Variants in NPAS3 observed in about 807,000 individuals in gnomAD.
NPAS3 encodes the protein neuronal PAS domain protein 3.
A neutral mutation model predicts 73.1 loss-of-function variants in NPAS3; 14 were observed. The observed-to-expected ratio is 0.19, with a 90% confidence interval of 0.13 to 0.30. NPAS3 has a LOEUF of 0.30. NPAS3 is among the 10% of genes least tolerant of loss of function. The pLI is 1.00. For synonymous variants in NPAS3, 620 were observed against 541.5 expected, an observed-to-expected ratio of 1.14 and a Z score of -2.01; for missense variants, 1,096 against 1,250.0, an observed-to-expected ratio of 0.88 and a Z score of 1.86.
rs1185500585 is a variant in NPAS3, at chr14:33,800,208, C to G, written c.1901C>G (p.Pro634Arg). ...CTGGACGCGGGCCTGGTGGAGCCCC[C>G]GCGGCTGCTGTCCTCCCCCAACAGT... The change falls in exon 12 of 12, where the codon CCG (proline) becomes CGG (arginine). Residue 634 changes from proline (P) to arginine (R), a missense_variant. Transcript: ENST00000356141. The surrounding 1 kb of genome is among the most constrained non-coding windows in gnomAD (Gnocchi z 6.5). 3.1e-6 allele frequency: 5 copies of G among 1,612,114 alleles called. No homozygotes were observed. The highest frequency in any genetic ancestry group is 4.2e-6 in the Non-Finnish European group (5 of 1,179,526).
chr14:33,213,444 C>T (rs1238896074), intron 2 of NPAS3, among the ~76,000 whole-genome samples: 2 of 152,122 alleles, frequency 1.3e-5, no homozygotes, highest in Admixed American at 6.5e-5. Context: ...GGGAGGAATT[C>T]GAACTATTCT....
intron 5 of NPAS3, among the ~76,000 whole-genome samples, chr14:33,670,313 C>CTGATATAGAACCTTTCTTCTTGT (rs2059575515): frequency 1.3e-5 from 2 of 152,280 alleles, no homozygotes; most frequent in South Asian, 4.1e-4. Flanking sequence ...TCTCATCATT[C>CTGATATAGAACCTTTCTTCTTGT]TGATATAGAA....
intron 1 of NPAS3, among the ~76,000 whole-genome samples, chr14:32,963,314 A>G (rs984146993): frequency 2.6e-5 from 4 of 152,226 alleles, no homozygotes; most frequent in Non-Finnish European, 5.9e-5. Context: ...CCAAGTGGAA[A>G]GAAACAGCAG....
At chr14:33,061,543 A>G (rs1275876231) in intron 2 of NPAS3, among the ~76,000 whole-genome samples, 5 of 152,300 alleles carry the variant, frequency 3.3e-5, no homozygotes, top group South Asian at 2.1e-4. Flanking sequence ...TTTTAGCATC[A>G]CACGAATGCT....
chr14:33,684,743 C>T (rs1026061896), intron 6 of NPAS3, among the ~76,000 whole-genome samples: 1 of 152,212 alleles, frequency 6.6e-6, no homozygotes, highest in African/African-American at 2.4e-5. Flanking sequence ...CAGCCAACAT[C>T]ACCCGTGTAC....
chr14:33,448,827 A>G (rs778699276), intron 4 of NPAS3, among the ~76,000 whole-genome samples: 23 of 152,318 alleles, frequency 1.5e-4, no homozygotes, highest in Middle Eastern at 3.4e-3. Context: ...GCAGCATACA[A>G]GCATCTGAAC....
intron 2 of NPAS3, among the ~76,000 whole-genome samples, chr14:33,136,728 A>G (rs1490787232): frequency 6.6e-6 from 1 of 152,222 alleles, no homozygotes; most frequent in Non-Finnish European, 1.5e-5. Flanking sequence ...TGATGTGGGT[A>G]CTTGAAAGAT....
At chr14:33,098,801 A>G (rs1379442552) in intron 2 of NPAS3, among the ~76,000 whole-genome samples, 1 of 152,264 alleles carries the variant, frequency 6.6e-6, no homozygotes, top group Admixed American at 6.5e-5. Context: ...GTGAAGCCAT[A>G]TAAATTTCAA....
At chr14:32,966,822 A>G (rs146156498) in intron 1 of NPAS3, among the ~76,000 whole-genome samples, 180 of 151,894 alleles carry the variant, frequency 1.2e-3, no homozygotes, top group Non-Finnish European at 2.1e-3. Flanking sequence ...TGAAACTGCT[A>G]TGAGAAAGCG....
At chr14:33,370,163 A>T (rs761521085) in intron 4 of NPAS3, among the ~76,000 whole-genome samples, 3 of 152,188 alleles carry the variant, frequency 2.0e-5, no homozygotes, top group African/African-American at 7.2e-5. Context: ...TATGACTGCT[A>T]TCTTTAAATA....
At chr14:33,759,602 T>C (rs2140818149) in intron 7 of NPAS3, among the ~76,000 whole-genome samples, 1 of 152,344 alleles carries the variant, frequency 6.6e-6, no homozygotes, top group Non-Finnish European at 1.5e-5. Flanking sequence ...TTTCTTCACT[T>C]GGGAAGCTAG....
chr14:33,688,539 T>C (rs2060150269), intron 6 of NPAS3, among the ~76,000 whole-genome samples: 1 of 152,124 alleles, frequency 6.6e-6, no homozygotes, highest in Admixed American at 6.6e-5. Context: ...GAGTCACAGA[T>C]GGGCCATTCT....
At chr14:33,497,873 C>T (rs2052289214) in intron 4 of NPAS3, among the ~76,000 whole-genome samples, 1 of 152,050 alleles carries the variant, frequency 6.6e-6, no homozygotes, top group South Asian at 2.1e-4. Context: ...AAGAGCTCTA[C>T]ACAGCAAACA....
chr14:33,059,559 T>C (rs2041016696), intron 2 of NPAS3, among the ~76,000 whole-genome samples: 2 of 152,310 alleles, frequency 1.3e-5, no homozygotes, highest in South Asian at 4.1e-4. Context: ...GTTATTTTGC[T>C]AAGTATTACA....
At chr14:33,560,606 A>C (rs2055596479) in intron 5 of NPAS3, among the ~76,000 whole-genome samples, 1 of 152,188 alleles carries the variant, frequency 6.6e-6, no homozygotes, top group African/African-American at 2.4e-5. Context: ...ACACAATGGC[A>C]GGAGTCATTT....
At chr14:33,287,323 C>T (rs560418384) in intron 3 of NPAS3, among the ~76,000 whole-genome samples, 6 of 152,262 alleles carry the variant, frequency 3.9e-5, no homozygotes, top group East Asian at 1.9e-4. Context: ...CAGCTGCAAA[C>T]GGCTCTGGAA....
chr14:32,961,772 T>A (rs1028778562), intron 1 of NPAS3, among the ~76,000 whole-genome samples: 1 of 152,194 alleles, frequency 6.6e-6, no homozygotes, highest in Non-Finnish European at 1.5e-5. Context: ...ATTTTATAGA[T>A]GAGGAACTAA....
chr14:33,436,156 G>T (rs918901277), intron 4 of NPAS3, among the ~76,000 whole-genome samples: 3 of 152,220 alleles, frequency 2.0e-5, no homozygotes, highest in Admixed American at 1.3e-4. Flanking sequence ...TGGAAAGAAA[G>T]CATGAAGAAT....
At chr14:33,565,164 G>A (rs2139783531) in intron 5 of NPAS3, among the ~76,000 whole-genome samples, 1 of 152,308 alleles carries the variant, frequency 6.6e-6, no homozygotes, top group Non-Finnish European at 1.5e-5. Context: ...GGGGTAAGTG[G>A]TTGTTTTAAA....
Sources: allele counts gnomAD v4.1 joint callset (sites outside exome capture counted in the v4.1 genomes callset), GRCh38; gene constraint gnomAD v4.1.1; non-coding constraint Gnocchi (gnomAD v3.1); transcripts MANE v1.5; gene names NCBI Gene and HGNC (gene_info 2026-07-23, HGNC 2026-07-21).